The following SORBS2 variants were observed in gnomAD, a reference collection of about 807,000 sequenced individuals.
The protein encoded by SORBS2 is sorbin and SH3 domain-containing protein 2.
A neutral mutation model predicts 97.7 loss-of-function variants in SORBS2; 46 were observed. That is an observed-to-expected ratio of 0.47 (90% CI 0.37 to 0.60). The LOEUF (loss-of-function observed/expected upper bound fraction) is 0.60, where lower values mean the gene tolerates loss of function less well. SORBS2 is among the 20% of genes least tolerant of loss of function. SORBS2 has a pLI of 0.00. For missense variants in SORBS2, 1,316 were observed against 1,282.3 expected (o/e 1.03, Z -0.40); for synonymous variants, 476 against 473.4 (o/e 1.01, Z -0.07).
chr4:185,623,364 G>A lies in SORBS2; in HGVS notation c.1765C>T (p.Pro589Ser), dbSNP rs376001413. 6 of 1,613,408 alleles carry A rather than the reference G, an allele frequency of 3.7e-6. No homozygotes were observed. The African/African-American group carries it at 8.0e-5, about 22-fold the overall frequency. The change falls in exon 7 of 15, where the codon CCC (proline) becomes TCC (serine). Residue 589 changes from proline to serine, a missense_variant. Physicochemically the swap from Pro to Ser is moderately conservative, Grantham distance 74 (BLOSUM62 -1). Transcript: ENST00000418609. The surrounding 1 kb of genome is among the most constrained non-coding windows in gnomAD (Gnocchi z 6.4). Reference sequence around the variant, plus strand: ...CCAGGGTCCATTTCTTGCCTTCTGGGCTCCTCGGTGTTTTCGTGTCTGGCT... The same window carrying A: ...CCAGGGTCCATTTCTTGCCTTCTGGACTCCTCGGTGTTTTCGTGTCTGGCT...
intron 7 of SORBS2, 103 bp downstream of exon 19, chr4:185,622,811 A>G: frequency 4.1e-6 from 5 of 1,208,900 alleles, no homozygotes; most frequent in Non-Finnish European, 5.8e-6. Context: ...ACGACGCCAA[A>G]TGGTCTCCCA....
intron 2 of SORBS2, among the ~76,000 whole-genome samples, chr4:185,743,980 C>T (rs1233939752): frequency 1.4e-5 from 2 of 138,604 alleles, no homozygotes; most frequent in Admixed American, 1.5e-4. Context: ...TTCTTCCTCC[C>T]CTCCTCCTCC....
chr4:185,917,004 G>A (rs1033777480), intron 1 of SORBS2, among the ~76,000 whole-genome samples: 2 of 152,214 alleles, frequency 1.3e-5, no homozygotes, highest in African/African-American at 4.8e-5. Context: ...TCATGGGAGG[G>A]TAGAGGGGCT....
Position 185,809,455 on chromosome 4 carries a change from C to CAAAAAAAAAAAAAAAAAAAAAAAAAAAA in SORBS2, c.-337-34090_-337-34089insTTTTTTTTTTTTTTTTTTTTTTTTTTTT, listed in dbSNP as rs55713465. Among the ~76,000 whole-genome samples, 2 of 47,290 alleles carry CAAAAAAAAAAAAAAAAAAAAAAAAAAAA rather than the reference C, an allele frequency of 4.2e-5. 1 individual carries two copies. The highest frequency in any genetic ancestry group is 1.7e-4 in the African/African-American group (2 of 11,560). The allele number at this position is 47,290 out of a possible 152,430, so 31.0% of individuals were successfully genotyped here. On this transcript the variant is annotated intron_variant, in intron 1 of 20. Coordinates refer to the SORBS2 transcript ENST00000284776. Reference sequence around the variant, plus strand: ...GACTCTTCAGGGGGCACTGCATTTGCAAAAAAAAAAAAAAAAAAAAAAAAA... The same window carrying CAAAAAAAAAAAAAAAAAAAAAAAAAAAA: ...GACTCTTCAGGGGGCACTGCATTTGCAAAAAAAAAAAAAAAAAAAAAAAAAAAAAAAAAAAAAAAAAAAAAAAAAAAAA...
chr4:185,624,050 A>G (rs1441799836), exon 7 of SORBS2: 1 of 1,613,822 alleles, frequency 6.2e-7, no homozygotes, highest in Non-Finnish European at 8.5e-7. Flanking sequence ...GATGCGGTGC[A>G]TTTTCTTGTA....
chr4:185,662,327 C>T, intron 4 of SORBS2, 85 bp from the exon 8 acceptor site: 2 of 1,351,472 alleles, frequency 1.5e-6, no homozygotes, highest in Admixed American at 4.3e-5. Context: ...AAAAGACTTC[C>T]AATCACATGA....
chr4:185,785,270 G>A (rs1421516741), intron 1 of SORBS2, among the ~76,000 whole-genome samples: 1 of 151,902 alleles, frequency 6.6e-6, no homozygotes, highest in Non-Finnish European at 1.5e-5. Context: ...TTCTTAAAAT[G>A]GTGAATGCTG....
chr4:185,606,171 A>G lies in SORBS2; in HGVS notation c.2796+5609T>C, dbSNP rs2096413327. On this transcript the variant is annotated intron_variant, in intron 12 of 14. Transcript: ENST00000418609. This position sits in a 1 kb window ranked among gnomAD's most constrained non-coding sequence, Gnocchi z 4.3. ...GGAATAGGACAAATTTCTGGGCATCAACTTCCTCTTCTCTAAAGTGGGGAT... is the reference window on the plus strand; with the variant it reads ...GGAATAGGACAAATTTCTGGGCATCGACTTCCTCTTCTCTAAAGTGGGGAT... 1 of 985,284 alleles carries G rather than the reference A, an allele frequency of 1.0e-6. No individual in the cohort carries two copies. Among genetic ancestry groups the G allele is most frequent in the African/African-American group, 1.7e-5 (1 of 57,242 alleles). The allele number at this position is 985,284 out of a possible 1,614,324, so 61.0% of individuals were successfully genotyped here.
chr4:185,945,287 C>T (rs1458965693), intron 1 of SORBS2, among the ~76,000 whole-genome samples: 2 of 152,138 alleles, frequency 1.3e-5, no homozygotes, highest in Non-Finnish European at 2.9e-5. Flanking sequence ...CAGCTCTCTC[C>T]TGAGAGAATA....
intron 2 of SORBS2, among the ~76,000 whole-genome samples, chr4:185,725,482 C>T (rs2098548846): frequency 1.3e-5 from 2 of 152,322 alleles, no homozygotes; most frequent in South Asian, 4.1e-4. Context: ...TTTGACATAG[C>T]TAATCTCTCT....
chr4:185,600,818 A>C (rs1393610957), intron 12 of SORBS2, among the ~76,000 whole-genome samples: 1 of 152,166 alleles, frequency 6.6e-6, no homozygotes, highest in Non-Finnish European at 1.5e-5. Flanking sequence ...TTTCTAACAC[A>C]TAAGAAGAAA....
intron 1 of SORBS2, among the ~76,000 whole-genome samples, chr4:185,840,184 G>A (rs1252635595): frequency 1.3e-5 from 2 of 152,144 alleles, no homozygotes; most frequent in Non-Finnish European, 2.9e-5. Flanking sequence ...AACAGGGGTT[G>A]TTCATTTTAA....
At chr4:185,928,820 C>A (rs535572390) in intron 1 of SORBS2, among the ~76,000 whole-genome samples, 4 of 152,202 alleles carry the variant, frequency 2.6e-5, no homozygotes, top group East Asian at 1.9e-4. Context: ...TGCTGGGATT[C>A]CAGGCGTGAG....
chr4:185,702,613 C>T (rs1341346084), intron 2 of SORBS2, among the ~76,000 whole-genome samples: 1 of 151,702 alleles, frequency 6.6e-6, no homozygotes, highest in Admixed American at 6.6e-5. Flanking sequence ...GTTCAACAAC[C>T]TATGTTTTAG....
chr4:185,737,893 G>A (rs910697737), intron 2 of SORBS2, among the ~76,000 whole-genome samples: 5 of 152,182 alleles, frequency 3.3e-5, no homozygotes, highest in African/African-American at 7.2e-5. Flanking sequence ...AAACACATTT[G>A]GGAGCTCCAG....
chr4:185,886,450 G>C (rs1165560527), intron 1 of SORBS2, among the ~76,000 whole-genome samples: 1 of 150,854 alleles, frequency 6.6e-6, no homozygotes, highest in Non-Finnish European at 1.5e-5. Flanking sequence ...AGTTACTCAG[G>C]AGGCTGAGGC....
At position 185,950,346 on chromosome 4, in the gene SORBS2, T is replaced by C. The variant is rs193083830; in HGVS notation, c.-338+5850A>G. The stretch of plus-strand genomic sequence containing the variant: ...TTTTTGATAGTGAATTAGGAAGTAA[T>C]CCCAGACCTGAAGAACATAATGGAA... On this transcript the variant is annotated intron_variant, in intron 1 of 20. Coordinates refer to the SORBS2 transcript ENST00000284776. Among the ~76,000 whole-genome samples the C allele has an allele frequency of 2.0e-5, 3 of 152,114 alleles. 1 individual carries two copies. Among genetic ancestry groups the C allele is most frequent in the Admixed American group, 2.0e-4 (3 of 15,284 alleles).
At chr4:185,639,276 G>C (rs1035175140) in intron 4 of SORBS2, among the ~76,000 whole-genome samples, 1 of 152,186 alleles carries the variant, frequency 6.6e-6, no homozygotes, top group African/African-American at 2.4e-5. Flanking sequence ...CTGAGAAGGG[G>C]ATCTGGTTCT....
chr4:185,825,058 C>T (rs994549035), intron 1 of SORBS2, among the ~76,000 whole-genome samples: 3 of 152,210 alleles, frequency 2.0e-5, no homozygotes, highest in African/African-American at 7.2e-5. Context: ...CTCCGAGATT[C>T]TGCACCCTCC....
Sources: gnomAD v4.1 joint callset for allele counts (sites outside exome capture counted in the v4.1 genomes callset) on GRCh38, gnomAD v4.1.1 for gene constraint, Gnocchi (gnomAD v3.1) non-coding constraint, MANE v1.5 for transcripts, NCBI Gene and HGNC (gene_info 2026-07-23, HGNC 2026-07-21) for gene names.